Variants in PDE1C observed in about 807,000 individuals in gnomAD.
PDE1C encodes dual specificity calcium/calmodulin-dependent 3',5'-cyclic nucleotide phosphodiesterase 1C.
PDE1C carries 62 observed loss-of-function variants against 93.1 expected under a neutral mutation model. The observed-to-expected ratio is 0.67, with a 90% CI of 0.54 to 0.82. The LOEUF (loss-of-function observed/expected upper bound fraction) is 0.82. Ranked by LOEUF, PDE1C falls within the 40% of genes least tolerant of loss-of-function variation. PDE1C has a pLI of 0.00. For missense variants in PDE1C, 742 were observed against 884.6 expected, an observed-to-expected ratio of 0.84 and a Z score of 2.04; for synonymous variants, 325 against 310.1, an observed-to-expected ratio of 1.05 and a Z score of -0.50.
chr7:31,752,751 T>A lies in PDE1C; in HGVS notation c.*633A>T, dbSNP rs1794200198. The stretch of plus-strand genomic sequence containing the variant: ...AATCTTCATGAGGCACAAAAATCTT[T>A]TTTTGTTTTTTAACTTGGATTTGCT... On this transcript the variant is annotated 3_prime_UTR_variant, in exon 18 of 18. Transcript: ENST00000396191. 1 of 152,152 alleles carries A rather than the reference T, an allele frequency of 6.6e-6. No homozygotes were observed. Among genetic ancestry groups the A allele is most frequent in the African/African-American group, 2.4e-5 (1 of 41,448 alleles). The allele number at this position is 152,152 out of a possible 1,614,324, so 9.4% of individuals were successfully genotyped here. A position where few individuals can be genotyped will look rare whatever the true frequency, so the allele number is the denominator to read the frequency against.
chr7:31,837,981 A>G lies in PDE1C; in HGVS notation c.981-10T>C. ...CAAGGTTCGAAACTCCCTTTTAGAG[A>G]CAACCATGGAGAAAAAAGGATGGAA... On this transcript the variant is annotated splice_polypyrimidine_tract_variant and intron_variant, in intron 9 of 17. Coordinates refer to ENST00000396191, the MANE Select transcript of PDE1C (RefSeq NM_001191057.4). The G allele has an allele frequency of 6.4e-7, 1 of 1,567,552 alleles. No individual in the cohort carries two copies. The highest frequency in any genetic ancestry group is 8.8e-7 in the Non-Finnish European group (1 of 1,138,540).
intron 1 of PDE1C, among the ~76,000 whole-genome samples, chr7:32,393,081 A>G (rs1784781164): frequency 6.7e-6 from 1 of 149,974 alleles, no homozygotes; most frequent in Non-Finnish European, 1.5e-5. Flanking sequence ...AAGCACACAT[A>G]TACATTCAGA....
At chr7:31,669,409 A>C in the PDE1C span, among the ~76,000 whole-genome samples, 2 of 152,174 alleles carry the variant, frequency 1.3e-5, no homozygotes, top group African/African-American at 4.8e-5. Flanking sequence ...AATAATGAAA[A>C]GTTTAAGCTA....
chr7:31,650,524 C>CA, the PDE1C span, among the ~76,000 whole-genome samples: 1 of 152,166 alleles, frequency 6.6e-6, no homozygotes, highest in Non-Finnish European at 1.5e-5. Context: ...AAAGCGTAGA[C>CA]AAAGTTCAAT....
At chr7:32,353,730 A>C (rs1022831903) in intron 1 of PDE1C, among the ~76,000 whole-genome samples, 3 of 152,024 alleles carry the variant, frequency 2.0e-5, no homozygotes, top group Admixed American at 2.0e-4. Context: ...AATTTCTTGC[A>C]TGAGAGGAAC....
At chr7:31,656,473 C>T in the PDE1C span, 2 of 981,114 alleles carry the variant, frequency 2.0e-6, no homozygotes, top group Admixed American at 6.1e-5. Flanking sequence ...TACAAGTGCA[C>T]ATACCAAGAA....
chr7:32,180,178 T>C (rs1803298583), intron 2 of PDE1C, among the ~76,000 whole-genome samples: 1 of 152,220 alleles, frequency 6.6e-6, no homozygotes, highest in South Asian at 2.1e-4. Context: ...AGATACTGTT[T>C]TGTTATTTTC....
At chr7:32,041,050 T>A (rs984997794) in intron 2 of PDE1C, among the ~76,000 whole-genome samples, 2 of 152,152 alleles carry the variant, frequency 1.3e-5, no homozygotes, top group South Asian at 4.1e-4. Flanking sequence ...GCCTTCTGCA[T>A]AGTGGTCACT....
At chr7:32,051,615 G>T (rs764489569) in intron 1 of PDE1C, 35 bp from the exon 2 acceptor site, 6 of 1,600,584 alleles carry the variant, frequency 3.7e-6, no homozygotes, top group Non-Finnish European at 4.3e-6. Flanking sequence ...ATCAGAAAAG[G>T]GTTGTGGCAG....
chr7:31,772,800 C>T (rs1795585349), intron 17 of PDE1C, among the ~76,000 whole-genome samples: 1 of 152,190 alleles, frequency 6.6e-6, no homozygotes. Flanking sequence ...TAAATCCATT[C>T]ACTGGCTGTA....
intron 17 of PDE1C, among the ~76,000 whole-genome samples, chr7:31,773,239 G>A (rs1394458641): frequency 1.3e-5 from 2 of 152,138 alleles, no homozygotes; most frequent in Admixed American, 1.3e-4. Context: ...TTACAGCCCT[G>A]TAGGCTTTGG....
intron 1 of PDE1C, among the ~76,000 whole-genome samples, chr7:32,361,404 T>G (rs546124841): frequency 6.6e-6 from 1 of 152,378 alleles, no homozygotes; most frequent in South Asian, 2.1e-4. Context: ...TAGAATGCTC[T>G]GGTTGGGTAG....
At chr7:31,967,618 G>T (rs1441177329) in intron 2 of PDE1C, among the ~76,000 whole-genome samples, 5 of 152,158 alleles carry the variant, frequency 3.3e-5, no homozygotes, top group Non-Finnish European at 7.4e-5. Context: ...TATGAGGCCA[G>T]CATCATCCTG....
At chr7:31,823,020 A>T in intron 14 of PDE1C, 53 bp downstream of exon 14, 2 of 1,439,250 alleles carry the variant, frequency 1.4e-6, no homozygotes, top group Non-Finnish European at 1.9e-6. Context: ...TAACTCAGAG[A>T]GGACAACCTT....
At chr7:31,733,804 T>C in the PDE1C span, among the ~76,000 whole-genome samples, 1 of 152,092 alleles carries the variant, frequency 6.6e-6, no homozygotes, top group Non-Finnish European at 1.5e-5. Flanking sequence ...AACACCAGCC[T>C]GGCCAACAGG....
At chr7:32,389,015 G>T (rs886648874) in intron 1 of PDE1C, among the ~76,000 whole-genome samples, 1 of 152,150 alleles carries the variant, frequency 6.6e-6, no homozygotes. Context: ...TAAATGCATT[G>T]TATTCAAACT....
chr7:32,178,368 C>T lies in PDE1C; in HGVS notation c.137-8412G>A, dbSNP rs145264467. Among the ~76,000 whole-genome samples, 3 of 152,278 alleles carry T rather than the reference C, an allele frequency of 2.0e-5. No individual in the cohort carries two copies. The East Asian group carries it at 5.8e-4, about 29-fold the overall frequency. ...TCCTCTGACTCTCCACAAATGTGGG[C>T]AGAAGACTCTCCAGGGGCACTGGAA... On this transcript the variant is annotated intron_variant, in intron 2 of 18. Coordinates refer to the PDE1C transcript ENST00000396193.
At chr7:32,412,043 C>G (rs926873992) in intron 1 of PDE1C, among the ~76,000 whole-genome samples, 4 of 152,126 alleles carry the variant, frequency 2.6e-5, no homozygotes, top group African/African-American at 7.2e-5. Context: ...GATGTCACCT[C>G]CTATGGTAGC....
rs1451312817 is a variant in PDE1C, at chr7:32,027,816, A to G, written c.128+23738T>C. On this transcript the variant is annotated intron_variant, in intron 2 of 17. Coordinates refer to ENST00000396191, the MANE Select transcript of PDE1C (RefSeq NM_001191057.4). The stretch of plus-strand genomic sequence containing the variant: ...GATTGCCATTTTCCTCAAATTCTTC[A>G]TTTGATGTTTCCAAAGCAACAACAA... Among the ~76,000 whole-genome samples the G allele has an allele frequency of 4.6e-5, 7 of 151,972 alleles. No homozygotes were observed. In the East Asian group the frequency reaches 1.4e-3, roughly 29 times the overall value.
Sources: gnomAD v4.1 joint callset for allele counts (sites outside exome capture counted in the v4.1 genomes callset) on GRCh38, gnomAD v4.1.1 for gene constraint, MANE v1.5 for transcripts, NCBI Gene and HGNC (gene_info 2026-07-23, HGNC 2026-07-21) for gene names.